The following SLAMF6 variants were observed in gnomAD, a reference collection of about 807,000 sequenced individuals.
SLAMF6 encodes SLAM family member 6, also known as NK-T-B-antigen.
SLAMF6 carries 21 observed loss-of-function variants against 38.3 expected under a neutral mutation model. The observed-to-expected ratio is 0.55, with a 90% CI of 0.39 to 0.79. SLAMF6 has a LOEUF of 0.79. SLAMF6 is among the 30% of genes least tolerant of loss of function. The pLI is 0.00. For missense variants in SLAMF6, 341 were observed against 385.3 expected (o/e 0.89, Z 0.96); for synonymous variants, 152 against 146.3 (o/e 1.04, Z -0.28).
intron 1 of SLAMF6, among the ~76,000 whole-genome samples, chr1:160,502,100 T>C (rs1357658386): frequency 6.6e-6 from 1 of 152,152 alleles, no homozygotes; most frequent in African/African-American, 2.4e-5. Flanking sequence ...TGGAGGTCCT[T>C]TTCTCTGCTC....
intron 1 of SLAMF6, among the ~76,000 whole-genome samples, chr1:160,516,859 T>C (rs1308104977): frequency 6.6e-6 from 1 of 152,068 alleles, no homozygotes; most frequent in African/African-American, 2.4e-5. Flanking sequence ...AAAAATTAAC[T>C]CAAGATAGAT....
chr1:160,498,448 C>T (rs756196634), intron 1 of SLAMF6, among the ~76,000 whole-genome samples: 4 of 152,174 alleles, frequency 2.6e-5, no homozygotes, highest in Non-Finnish European at 5.9e-5. Context: ...CACTCACAAG[C>T]ATGGTGGAAG....
chr1:160,512,139 C>T (rs559405490), intron 1 of SLAMF6, among the ~76,000 whole-genome samples: 1 of 152,332 alleles, frequency 6.6e-6, no homozygotes, highest in East Asian at 1.9e-4. Flanking sequence ...CAGCAGCCAT[C>T]ACTGCAGCTT....
At chr1:160,508,018 C>T (rs1352898738) in intron 1 of SLAMF6, among the ~76,000 whole-genome samples, 1 of 152,072 alleles carries the variant, frequency 6.6e-6, no homozygotes, top group Non-Finnish European at 1.5e-5. Context: ...AGGACACAAA[C>T]AAATGGAAGA....
intron 1 of SLAMF6, among the ~76,000 whole-genome samples, chr1:160,516,732 A>G (rs1161918748): frequency 6.6e-6 from 1 of 152,140 alleles, no homozygotes; most frequent in South Asian, 2.1e-4. Context: ...TGATCTTCAA[A>G]AAACGTGACA....
chr1:160,520,762 G>A (rs933225265), intron 1 of SLAMF6, among the ~76,000 whole-genome samples: 2 of 152,154 alleles, frequency 1.3e-5, no homozygotes, highest in African/African-American at 4.8e-5. Flanking sequence ...CCACTTCAAA[G>A]AATGTAGGCT....
At chr1:160,506,671 CAT>C (rs753920308) in intron 1 of SLAMF6, among the ~76,000 whole-genome samples, 4 of 152,262 alleles carry the variant, frequency 2.6e-5, no homozygotes, top group Middle Eastern at 3.4e-3. Context: ...CTTTTTCCCA[CAT>C]GATTTAAAAG....
At chr1:160,500,175 A>G (rs2102035013) in intron 1 of SLAMF6, among the ~76,000 whole-genome samples, 1 of 152,320 alleles carries the variant, frequency 6.6e-6, no homozygotes, top group East Asian at 1.9e-4. Context: ...ATTTTATGAT[A>G]ATTCATTGAG....
chr1:160,492,008 A>G lies in SLAMF6; in HGVS notation c.383-620T>C, dbSNP rs567101536. 2.0e-5 allele frequency among the ~76,000 whole-genome samples: 3 copies of G among 152,318 alleles called. No homozygotes were observed. The South Asian group carries it at 6.2e-4, about 32-fold the overall frequency. The stretch of plus-strand genomic sequence containing the variant: ...ATGCTGAGAACCAAAGAAGTGGGGA[A>G]GGAAGAAGTGAATAAGGTGAGAAAG... On this transcript the variant is annotated intron_variant, in intron 2 of 7. Transcript: ENST00000368057.
In SLAMF6 at chr1:160,485,064, T is replaced by G. The variant is rs1426619946; in HGVS notation, c.*1643A>C. On this transcript the variant is annotated 3_prime_UTR_variant, in exon 8 of 8. Coordinates refer to ENST00000368057, the MANE Select transcript of SLAMF6 (RefSeq NM_001184714.2). ...ATTTCATTTTATTTTATTTATTTAT[T>G]TTTTGAGACAGAGTCTCACTCTGTC... 2.6e-5 allele frequency: 4 copies of G among 152,154 alleles called. No homozygotes were observed. Among genetic ancestry groups the G allele is most frequent in the African/African-American group, 9.7e-5 (4 of 41,430 alleles). The allele number at this position is 152,154 out of a possible 1,614,324, so 9.4% of individuals were successfully genotyped here.
chr1:160,498,513 CA>C (rs1653715348), intron 1 of SLAMF6, among the ~76,000 whole-genome samples: 1 of 152,148 alleles, frequency 6.6e-6, no homozygotes, highest in African/African-American at 2.4e-5. Flanking sequence ...AGAACATGTG[CA>C]GGGGAACTCC....
chr1:160,499,713 AG>A (rs559942989), intron 1 of SLAMF6, among the ~76,000 whole-genome samples: 72 of 152,058 alleles, frequency 4.7e-4, no homozygotes, highest in African/African-American at 1.6e-3. Flanking sequence ...GTCATTTCTG[AG>A]GGTTTCTTAT....
Position 160,487,522 on chromosome 1 carries a change from G to A in SLAMF6, c.880-347C>T, listed in dbSNP as rs1653029565. On this transcript the variant is annotated intron_variant, in intron 6 of 7. Coordinates refer to ENST00000368057, the MANE Select transcript of SLAMF6 (RefSeq NM_001184714.2). ...TAAGAAAAAACTTATATACCAGATA[G>A]TTTATTATATGTTTTGTCTCAAATT... Among the ~76,000 whole-genome samples the A allele has an allele frequency of 2.6e-5, 4 of 152,264 alleles. No homozygotes were observed. The South Asian group carries it at 8.3e-4, about 32-fold the overall frequency.
intron 2 of SLAMF6, 135 bp downstream of exon 2, chr1:160,495,926 G>T: frequency 2.6e-6 from 2 of 775,854 alleles, no homozygotes; most frequent in Non-Finnish European, 4.1e-6. Context: ...GTGTCATTGT[G>T]TTGACACTGA....
At position 160,491,261 on chromosome 1, in the gene SLAMF6, T is replaced by C; in HGVS notation, c.510A>G (p.Gly170=). The C allele has an allele frequency of 1.2e-6, 2 of 1,614,018 alleles. No individual in the cohort carries two copies. Among genetic ancestry groups the C allele is most frequent in the Non-Finnish European group, 1.7e-6 (2 of 1,179,984 alleles). Residue 170 remains glycine, a synonymous_variant, in exon 3 of 8, where the codon GGA becomes GGG. Transcript: ENST00000368057. ...DNVSFRWEAL[G]NTLSSQPNLT... ...GGTTTGGCTGACTTGAAAGTGTGTT[T>C]CCCAAGGCCTCCCATCTGAATGAGA...
chr1:160,491,441 C>A (rs1055988505), intron 2 of SLAMF6, 53 bp from the exon 3 acceptor site: 4 of 1,570,618 alleles, frequency 2.5e-6, no homozygotes, highest in Middle Eastern at 1.7e-4. Flanking sequence ...CTTGGCTCAA[C>A]CCCCTGTGAA....
chr1:160,512,717 C>A (rs1278241345), intron 1 of SLAMF6, among the ~76,000 whole-genome samples: 6 of 151,814 alleles, frequency 4.0e-5, no homozygotes, highest in East Asian at 1.9e-4. Flanking sequence ...TGGGGAGGGA[C>A]CCAGGTGAAT....
intron 1 of SLAMF6, among the ~76,000 whole-genome samples, chr1:160,496,747 A>G (rs1399585382): frequency 6.6e-6 from 1 of 152,072 alleles, no homozygotes; most frequent in African/African-American, 2.4e-5. Context: ...GAAACTATAG[A>G]CTCCAAAAAC....
At position 160,486,578 on chromosome 1, in the gene SLAMF6, G is replaced by A. The variant is rs1652971879; in HGVS notation, c.*129C>T. ...GGTTTAAGTCCGAAGGACTGGAGGT[G>A]ATCATCCTATCCTAGATATTCAAAT... is the stretch of plus-strand genomic sequence containing the variant. On this transcript the variant is annotated 3_prime_UTR_variant, in exon 8 of 8. Coordinates refer to ENST00000368057, the MANE Select transcript of SLAMF6 (RefSeq NM_001184714.2). 4 of 922,346 alleles carry A rather than the reference G, an allele frequency of 4.3e-6. No individual in the cohort carries two copies. The highest frequency in any genetic ancestry group is 4.2e-5 in the Admixed American group (2 of 48,120). The allele number at this position is 922,346 out of a possible 1,614,324, so 57.1% of individuals were successfully genotyped here. A position where few individuals can be genotyped will look rare whatever the true frequency, so the allele number is the denominator to read the frequency against.
Sources: gnomAD v4.1 joint callset for allele counts (sites outside exome capture counted in the v4.1 genomes callset) on GRCh38, gnomAD v4.1.1 for gene constraint, MANE v1.5 for transcripts, NCBI Gene and HGNC (gene_info 2026-07-23, HGNC 2026-07-21) for gene names.